Variants in NSL1 observed in about 807,000 individuals in gnomAD.
NSL1 encodes the protein kinetochore-associated protein NSL1 homolog.
NSL1 carries 11 observed loss-of-function variants against 25.4 expected under a neutral mutation model. The ratio of observed to expected loss-of-function variants is 0.43; its 90% CI spans 0.27 to 0.72. NSL1 has a LOEUF of 0.72. Among genes scored for constraint, NSL1 ranks in the 30% least tolerant of loss-of-function variants. The pLI, the probability that NSL1 is intolerant of heterozygous loss-of-function variation, is 0.19. For missense variants in NSL1, 330 were observed against 342.7 expected (o/e 0.96, Z 0.29); for synonymous variants, 118 against 120.6 (o/e 0.98, Z 0.14).
At chr1:212,742,089 C>T (rs1658534262) in intron 4 of NSL1, among the ~76,000 whole-genome samples, 1 of 152,084 alleles carries the variant, frequency 6.6e-6, no homozygotes, top group African/African-American at 2.4e-5. Context: ...GATCCCATTA[C>T]TATTCTAAAG....
In NSL1 at chr1:212,733,866, A is replaced by T. The variant is rs1571857755; in HGVS notation, c.*4542T>A. Among the ~76,000 whole-genome samples the T allele has an allele frequency of 6.6e-6, 1 of 152,154 alleles. No homozygotes were observed. The highest frequency in any genetic ancestry group is 1.5e-5 in the Non-Finnish European group (1 of 68,024). On this transcript the variant is annotated 3_prime_UTR_variant, in exon 6 of 6. Coordinates refer to ENST00000366977, the MANE Select transcript of NSL1 (RefSeq NM_015471.4). ...ATATGGTAACTGCATTATCTCTTTG[A>T]TAATTTTGACTCTGCTGCTTTTTCT...
At chr1:212,789,886 A>G (rs1361304589) in intron 1 of NSL1, among the ~76,000 whole-genome samples, 1 of 152,242 alleles carries the variant, frequency 6.6e-6, no homozygotes, top group African/African-American at 2.4e-5. Context: ...TCTCCCAAAA[A>G]ACTACTAAAA....
intron 4 of NSL1, among the ~76,000 whole-genome samples, chr1:212,746,405 T>C (rs1287491082): frequency 2.0e-5 from 3 of 151,930 alleles, no homozygotes; most frequent in African/African-American, 4.8e-5. Context: ...AAAAAACCCC[T>C]AAGAACTATA....
intron 4 of NSL1, among the ~76,000 whole-genome samples, chr1:212,751,013 G>A (rs760118972): frequency 2.0e-5 from 3 of 152,048 alleles, no homozygotes; most frequent in African/African-American, 4.8e-5. Flanking sequence ...GAATATACTC[G>A]TAGTAATAAT....
In NSL1 at chr1:212,727,413, T is replaced by C. The variant is rs1027751608; in HGVS notation, c.*10995A>G. 1 of 985,190 alleles carries C rather than the reference T, an allele frequency of 1.0e-6. No homozygotes were observed. Among genetic ancestry groups the C allele is most frequent in the African/African-American group, 1.7e-5 (1 of 57,192 alleles). 61.0% of individuals were successfully genotyped at this position (985,190 alleles called of 1,614,324 possible). A position where few individuals can be genotyped will look rare whatever the true frequency, so the allele number is the denominator to read the frequency against. ...ATCAGTCAAGTTAATGTTTCCAAAATATACTCCTTGTAACAGACATTACCT... is the reference window on the plus strand; with the variant it reads ...ATCAGTCAAGTTAATGTTTCCAAAACATACTCCTTGTAACAGACATTACCT... On this transcript the variant is annotated 3_prime_UTR_variant, in exon 6 of 6. Coordinates refer to ENST00000366977, the MANE Select transcript of NSL1 (RefSeq NM_015471.4).
At position 212,784,558 on chromosome 1, in the gene NSL1, G is replaced by A. The variant is rs949044704; in HGVS notation, c.314-65C>T. The A allele has an allele frequency of 1.4e-5, 14 of 997,720 alleles. No homozygotes were observed. In the African/African-American group the frequency reaches 2.1e-4, roughly 15 times the overall value. The allele number at this position is 997,720 out of a possible 1,614,324, so 61.8% of individuals were successfully genotyped here. ...AAAACTCATTGTTTACATTCTGTAT[G>A]GAAATGTGCTATAAACTAAATTTAG... On this transcript the variant is annotated intron_variant, in intron 2 of 5. Coordinates refer to ENST00000366977, the MANE Select transcript of NSL1 (RefSeq NM_015471.4).
rs927660517 is a variant in NSL1, at chr1:212,740,324, A to C, written c.500-723T>G. On this transcript the variant is annotated intron_variant, in intron 4 of 5. Coordinates refer to ENST00000366977, the MANE Select transcript of NSL1 (RefSeq NM_015471.4). ...ATAACCCAGGCAAAATATTTCTTTC[A>C]TAACTGCTATTTTTCTTTTCTGACT... Among the ~76,000 whole-genome samples, 62 of 152,302 alleles carry C rather than the reference A, an allele frequency of 4.1e-4. 1 individual carries two copies. Among genetic ancestry groups the C allele is most frequent in the African/African-American group, 1.4e-3 (57 of 41,572 alleles).
chr1:212,781,454 G>A (rs1357581405), intron 4 of NSL1, among the ~76,000 whole-genome samples: 1 of 152,158 alleles, frequency 6.6e-6, no homozygotes, highest in Non-Finnish European at 1.5e-5. Context: ...ACTGAGGAGT[G>A]TTAGGTCCTA....
rs1338253120 is a variant in NSL1, at chr1:212,787,079, C to A, written c.313+480G>T. Reference sequence around the variant, plus strand: ...TAGGGAGGCTGAGGCACAAGAATCACTTTAACCTGGGAGACAGAGGTTGCA... The same window carrying A: ...TAGGGAGGCTGAGGCACAAGAATCAATTTAACCTGGGAGACAGAGGTTGCA... On this transcript the variant is annotated intron_variant, in intron 2 of 5. Transcript: ENST00000366977. 2.0e-5 allele frequency among the ~76,000 whole-genome samples: 3 copies of A among 151,542 alleles called. No homozygotes were observed. In the East Asian group the frequency reaches 5.8e-4, roughly 29 times the overall value.
In NSL1 at chr1:212,729,935, C is replaced by A; in HGVS notation, c.*8473G>T. 3.0e-6 allele frequency: 3 copies of A among 984,794 alleles called. No individual in the cohort carries two copies. Among genetic ancestry groups the A allele is most frequent in the Non-Finnish European group, 3.6e-6 (3 of 829,820 alleles). 61.0% of individuals were successfully genotyped at this position (984,794 alleles called of 1,614,324 possible). On this transcript the variant is annotated 3_prime_UTR_variant, in exon 6 of 6. Transcript: ENST00000366977. ...AAGCTGCCTTGTGGAGGAACTAAAC[C>A]TCCGGAAGGATTTTTTTTTTTAAGA...
At chr1:212,752,001 C>T (rs1368620599) in intron 4 of NSL1, among the ~76,000 whole-genome samples, 6 of 152,140 alleles carry the variant, frequency 3.9e-5, no homozygotes, top group Admixed American at 2.0e-4. Flanking sequence ...TGGGCTTTCT[C>T]GAGGACCATT....
At chr1:212,756,610 A>G (rs1005036979) in intron 4 of NSL1, among the ~76,000 whole-genome samples, 5 of 152,166 alleles carry the variant, frequency 3.3e-5, no homozygotes, top group African/African-American at 1.2e-4. Context: ...ACCCGAGTTC[A>G]AGACTTTGAA....
chr1:212,749,427 C>T (rs1658963442), intron 4 of NSL1, among the ~76,000 whole-genome samples: 1 of 145,782 alleles, frequency 6.9e-6, no homozygotes, highest in Non-Finnish European at 1.5e-5. Context: ...TCAGTGCAGC[C>T]TCAAACTCCT....
chr1:212,745,160 CTATA>C (rs59293969), intron 4 of NSL1, among the ~76,000 whole-genome samples: 1,242 of 116,864 alleles, frequency 0.011, 6 homozygotes, highest in African/African-American at 0.021. Context: ...AACAAACAAA[CTATA>C]TATATATATA....
At chr1:212,772,428 G>A (rs1393831749) in intron 4 of NSL1, among the ~76,000 whole-genome samples, 1 of 152,140 alleles carries the variant, frequency 6.6e-6, no homozygotes, top group African/African-American at 2.4e-5. Context: ...GGGAGGCTGA[G>A]GCAGGTGGAT....
rs1039744263 is a variant in NSL1 at position 212,729,720 on chromosome 1, C to T, written c.*8688G>A. ...ATGAAGCAAGATACCAAGGTCAAAT[C>T]CTCCTCTCTTTTCCTTTTTCCTATC... On this transcript the variant is annotated 3_prime_UTR_variant, in exon 6 of 6. Coordinates refer to ENST00000366977, the MANE Select transcript of NSL1 (RefSeq NM_015471.4). 2 of 985,294 alleles carry T rather than the reference C, an allele frequency of 2.0e-6. No homozygotes were observed. The highest frequency in any genetic ancestry group is 2.4e-6 in the Non-Finnish European group (2 of 829,938). The allele number at this position is 985,294 out of a possible 1,614,324, so 61.0% of individuals were successfully genotyped here. A position where few individuals can be genotyped will look rare whatever the true frequency, so the allele number is the denominator to read the frequency against.
rs1409850768 is a variant in NSL1 at position 212,737,623 on chromosome 1, G to A, written c.*785C>T. 1.7e-5 allele frequency: 16 copies of A among 944,488 alleles called. No homozygotes were observed. Among genetic ancestry groups the A allele is most frequent in the Non-Finnish European group, 1.9e-5 (15 of 792,568 alleles). The allele number at this position is 944,488 out of a possible 1,614,324, so 58.5% of individuals were successfully genotyped here. A position where few individuals can be genotyped will look rare whatever the true frequency, so the allele number is the denominator to read the frequency against. On this transcript the variant is annotated 3_prime_UTR_variant, in exon 6 of 6. Transcript: ENST00000366977. ...AATAACACAATGACACTTTGCCAGTGTATTAATCTGATATATATTTTGAAC... is the reference window on the plus strand; with the variant it reads ...AATAACACAATGACACTTTGCCAGTATATTAATCTGATATATATTTTGAAC...
At chr1:212,740,008 GC>G (rs1463535781) in intron 4 of NSL1, among the ~76,000 whole-genome samples, 1 of 152,144 alleles carries the variant, frequency 6.6e-6, no homozygotes, top group Non-Finnish European at 1.5e-5. Flanking sequence ...CTGAGATCAT[GC>G]CTAGATGGAA....
Position 212,782,359 on chromosome 1 carries a change from G to A in NSL1, c.499+13C>T, listed in dbSNP as rs768473062. 15 of 1,593,184 alleles carry A rather than the reference G, an allele frequency of 9.4e-6. No homozygotes were observed. The highest frequency in any genetic ancestry group is 1.3e-5 in the Non-Finnish European group (15 of 1,161,052). On this transcript the variant is annotated intron_variant, in intron 4 of 5. Coordinates refer to ENST00000366977, the MANE Select transcript of NSL1 (RefSeq NM_015471.4). ...AGATGCTTCATTTTTACCACAAATG[G>A]ATACTGACTCACCTGGATCAGGGTC... is the stretch of plus-strand genomic sequence containing the variant.
Sources: allele counts gnomAD v4.1 joint callset (sites outside exome capture counted in the v4.1 genomes callset), GRCh38; gene constraint gnomAD v4.1.1; transcripts MANE v1.5; gene names NCBI Gene and HGNC (gene_info 2026-07-23, HGNC 2026-07-21).